The following RPUSD4 variants were observed in gnomAD, a reference collection of about 807,000 sequenced individuals.
RPUSD4 encodes the protein pseudouridylate synthase RPUSD4, mitochondrial.
In RPUSD4, 37 loss-of-function variants were observed where a neutral mutation model predicts 35.4. That is an observed-to-expected ratio of 1.04 (90% CI 0.80 to 1.37). The LOEUF is 1.37. Ranked by LOEUF, RPUSD4 falls within the 40% of genes most tolerant of loss-of-function variation. The pLI, the probability that RPUSD4 is intolerant of heterozygous loss-of-function variation, is 0.00. For synonymous variants in RPUSD4, 210 were observed against 192.7 expected (o/e 1.09, Z -0.74); for missense variants, 507 against 484.9 (o/e 1.05, Z -0.43).
chr11:126,203,243 G>T lies in RPUSD4; in HGVS notation c.*175C>A. On this transcript the variant is annotated 3_prime_UTR_variant, in exon 7 of 7. Transcript: ENST00000298317. ...TTTGTTCTCCATTAAAAGCCCTGTA[G>T]CAGCTGAGTTGCTTTACCTTATCCC... The T allele has an allele frequency of 1.2e-6, 1 of 831,110 alleles. No individual in the cohort carries two copies. The highest frequency in any genetic ancestry group is 1.9e-6 in the Non-Finnish European group (1 of 536,848). 51.5% of individuals were successfully genotyped at this position (831,110 alleles called of 1,614,324 possible). A position where few individuals can be genotyped will look rare whatever the true frequency, so the allele number is the denominator to read the frequency against.
intron 1 of RPUSD4, 89 bp from the exon 2 acceptor site, chr11:126,211,144 G>C: frequency 6.9e-7 from 1 of 1,449,754 alleles, no homozygotes; most frequent in Admixed American, 1.9e-5. Flanking sequence ...AATCTGAGTA[G>C]GGAATGACTA....
At position 126,205,780 on chromosome 11, in the gene RPUSD4, C is replaced by T. The variant is rs532328312; in HGVS notation, c.559G>A (p.Ala187Thr). ...GGCATGGGGACATGCACAGTGATGG[C>T]CCTGGGGGTGACACAGATCACTGCT... is the stretch of plus-strand genomic sequence containing the variant. The part of the protein sequence containing the change: ...RTRQVVKKYW[A>T]ITVHVPMPSA... Residue 187 changes from alanine (A) to threonine (T), a missense_variant and splice_region_variant, in exon 4 of 7, where the codon GCC (alanine) becomes ACC (threonine). Transcript: ENST00000298317. 20 of 1,595,360 alleles carry T rather than the reference C, an allele frequency of 1.3e-5. No homozygotes were observed. In the South Asian group the frequency reaches 2.2e-4, roughly 18 times the overall value.
chr11:126,209,071 A>G (rs1591490166), intron 3 of RPUSD4: 2 of 155,090 alleles, frequency 1.3e-5, no homozygotes, highest in African/African-American at 4.8e-5. Flanking sequence ...AGCTCACTGT[A>G]ACCTCAAACT....
Position 126,211,031 on chromosome 11 carries a change from T to A in RPUSD4, c.214A>T (p.Arg72Ter). 6.2e-7 allele frequency: 1 copy of A among 1,613,918 alleles called. No individual in the cohort carries two copies. Among genetic ancestry groups the A allele is most frequent in the Non-Finnish European group, 8.5e-7 (1 of 1,180,022 alleles). The change falls in exon 2 of 7, where the codon AGA becomes TGA. Residue 72 changes from arginine to a stop codon, truncating the protein, a stop_gained. Transcript: ENST00000298317. LOFTEE classifies it high-confidence loss of function. ...EPVSTNAVQR[R>*]VQEIVRFTRQ... ...GTGAACCGCACTATTTCTTGCACTC[T>A]CCGCTGAACAGCGTTTGTGGACACC...
At position 126,211,456 on chromosome 11, in the gene RPUSD4, C is replaced by T; in HGVS notation, c.183G>A (p.Lys61=). The change falls in exon 1 of 7, where the codon AAG becomes AAA. Residue 61 remains lysine, a synonymous_variant. Transcript: ENST00000298317. ...CTGGTCCCTTTGGACTCACCGGCTC[C>T]TTCTTTGTGTCTTGTTCCCGTTTCT... ...RAQKREQDTK[K]EPVSTNAVQR... 6.2e-7 allele frequency: 1 copy of T among 1,612,416 alleles called. No individual in the cohort carries two copies. Among genetic ancestry groups the T allele is most frequent in the East Asian group, 2.2e-5 (1 of 44,864 alleles).
chr11:126,210,761 G>GCC, intron 2 of RPUSD4, 129 bp downstream of exon 2: 2 of 722,514 alleles, frequency 2.8e-6, no homozygotes, highest in Admixed American at 3.3e-5. Context: ...TATATTGGAC[G>GCC]GTAGTTTACA....
Position 126,209,624 on chromosome 11 carries a change from G to A in RPUSD4, c.454C>T (p.Leu152=). The change falls in exon 3 of 7, where the codon CTG becomes TTG. Residue 152 remains leucine, a synonymous_variant. Coordinates refer to ENST00000298317, the MANE Select transcript of RPUSD4 (RefSeq NM_032795.3). ...KAEPLHLCHR[L]DKETTGVMVL... is the part of the protein sequence containing the mutation. ...ATTACACCTGTGGTTTCCTTGTCCA[G>A]CCGGTGGCACAGATGCAAGGGCTCT... 1 of 1,614,192 alleles carries A rather than the reference G, an allele frequency of 6.2e-7. No individual in the cohort carries two copies. Among genetic ancestry groups the A allele is most frequent in the Admixed American group, 1.7e-5 (1 of 60,026 alleles).
Position 126,202,732 on chromosome 11 carries a change from G to C in RPUSD4, c.*686C>G, listed in dbSNP as rs1949726035. 6.6e-6 allele frequency: 1 copy of C among 152,222 alleles called. No individual in the cohort carries two copies. Among genetic ancestry groups the C allele is most frequent in the Admixed American group, 6.5e-5 (1 of 15,282 alleles). The allele number at this position is 152,222 out of a possible 1,614,324, so 9.4% of individuals were successfully genotyped here. Reference sequence around the variant, plus strand: ...AGGTTTCCAGCTTCTCTGAAGAAATGAGAAAATCCATTCCCACATGGCAAC... The same window carrying C: ...AGGTTTCCAGCTTCTCTGAAGAAATCAGAAAATCCATTCCCACATGGCAAC... On this transcript the variant is annotated 3_prime_UTR_variant, in exon 7 of 7. Transcript: ENST00000298317.
rs1228334384 is a variant in RPUSD4 at position 126,211,613 on chromosome 11, G to A, written c.26C>T (p.Ser9Leu). MAAPRWSA[S>L]GPWIRGNGQG... is the part of the protein sequence containing the mutation. ...GCCGTTTCCCCGGATCCAGGGGCCC[G>A]ACGCGCTCCACCTGGGCGCCGCCAT... is the stretch of plus-strand genomic sequence containing the variant. Residue 9 changes from serine to leucine, a missense_variant, in exon 1 of 7, where the codon TCG becomes TTG. Coordinates refer to ENST00000298317, the MANE Select transcript of RPUSD4 (RefSeq NM_032795.3). 6.2e-6 allele frequency: 10 copies of A among 1,613,732 alleles called. No homozygotes were observed. The highest frequency in any genetic ancestry group is 7.6e-6 in the Non-Finnish European group (9 of 1,179,940).
intron 2 of RPUSD4, among the ~76,000 whole-genome samples, chr11:126,210,043 T>C (rs567651373): frequency 1.3e-5 from 2 of 152,268 alleles, no homozygotes; most frequent in East Asian, 3.9e-4. Context: ...CATGAGGCCT[T>C]CGAGAAGCAT....
Position 126,205,739 on chromosome 11 carries a change from C to A in RPUSD4, c.600G>T (p.Val200=). The change falls in exon 4 of 7, where the codon GTG becomes GTT. Residue 200 remains valine, a synonymous_variant. Coordinates refer to ENST00000298317, the MANE Select transcript of RPUSD4 (RefSeq NM_032795.3). ...CCTCCTTCTCCACAATGGGGATGTC[C>A]ACGACTCCTGCTGAGGGCATGGGGA... ...VHVPMPSAGV[V]DIPIVEKEAQ... 6.2e-7 allele frequency: 1 copy of A among 1,612,934 alleles called. No individual in the cohort carries two copies. Among genetic ancestry groups the A allele is most frequent in the Non-Finnish European group, 8.5e-7 (1 of 1,179,288 alleles).
rs1232291210 is a variant in RPUSD4, at chr11:126,204,275, G to A, written c.850C>T (p.Leu284Phe). The change falls in exon 6 of 7, where the codon CTT becomes TTT. Residue 284 changes from leucine (L) to phenylalanine (F), a missense_variant. By Grantham distance (22) the Leu-to-Phe change is conservative. Transcript: ENST00000298317. ...HLSFGLDCPI[L>F]GDHKYSDWNR... Reference sequence around the variant, plus strand: ...CAGTCTGAGTACTTGTGATCACCAAGGATTGGACAATCCAATCCAAAAGAC... The same window carrying A: ...CAGTCTGAGTACTTGTGATCACCAAAGATTGGACAATCCAATCCAAAAGAC... 1.1e-5 allele frequency: 17 copies of A among 1,613,522 alleles called. No individual in the cohort carries two copies. Among genetic ancestry groups the A allele is most frequent in the Admixed American group, 1.7e-5 (1 of 59,888 alleles).
Position 126,211,595 on chromosome 11 carries a change from C to G in RPUSD4, c.44G>C (p.Gly15Ala). The G allele has an allele frequency of 1.2e-6, 2 of 1,614,132 alleles. No homozygotes were observed. Among genetic ancestry groups the G allele is most frequent in the Non-Finnish European group, 1.7e-6 (2 of 1,180,040 alleles). The change falls in exon 1 of 7, where the codon GGA (glycine) becomes GCA (alanine). Residue 15 changes from glycine to alanine, a missense_variant. Transcript: ENST00000298317. ...RWSASGPWIRGNGQGCGSLFT... is the reference protein window; with the variant it reads ...RWSASGPWIRANGQGCGSLFT... ...GAGACTCCCGCAACCTTGGCCGTTT[C>G]CCCGGATCCAGGGGCCCGACGCGCT...
chr11:126,207,572 A>C (rs1267982399), intron 3 of RPUSD4, among the ~76,000 whole-genome samples: 1 of 152,258 alleles, frequency 6.6e-6, no homozygotes, highest in African/African-American at 2.4e-5. Context: ...GGCCAGACAC[A>C]GTGGCTCACG....
intron 6 of RPUSD4, 87 bp downstream of exon 6, chr11:126,204,144 T>C: frequency 1.1e-6 from 1 of 920,810 alleles, no homozygotes; most frequent in Non-Finnish European, 1.7e-6. Context: ...TCAGTAGGCT[T>C]TGTTGTAACT....
At chr11:126,203,694 C>CA in intron 6 of RPUSD4, 37 bp from the exon 7 acceptor site, 1 of 1,590,240 alleles carries the variant, frequency 6.3e-7, no homozygotes, top group Non-Finnish European at 8.6e-7. Flanking sequence ...AGAGCAAGGC[C>CA]AACAGTCCAC....
chr11:126,209,412 T>C, intron 3 of RPUSD4, 109 bp downstream of exon 3: 1 of 880,300 alleles, frequency 1.1e-6, no homozygotes, highest in South Asian at 1.6e-5. Flanking sequence ...ATCTCGCAGG[T>C]CATAGTGCAG....
intron 6 of RPUSD4, 28 bp from the exon 7 acceptor site, chr11:126,203,685 G>C (rs1419509921): frequency 6.3e-7 from 1 of 1,596,916 alleles, no homozygotes; most frequent in Non-Finnish European, 8.6e-7. Context: ...AGACCCTTGA[G>C]AGCAAGGCCA....
At chr11:126,205,884 T>C in intron 3 of RPUSD4, 103 bp from the exon 4 acceptor site, 2 of 748,428 alleles carry the variant, frequency 2.7e-6, no homozygotes, top group Non-Finnish European at 2.1e-6. Flanking sequence ...CACTAACATG[T>C]GATTTCTTAT....
Sources: allele counts gnomAD v4.1 joint callset (sites outside exome capture counted in the v4.1 genomes callset), GRCh38; gene constraint gnomAD v4.1.1; transcripts MANE v1.5; gene names NCBI Gene and HGNC (gene_info 2026-07-23, HGNC 2026-07-21).